Variants in TEAD1 observed in about 807,000 individuals in gnomAD.
The protein encoded by TEAD1 is transcriptional enhancer factor TEF-1.
Under a neutral mutation model 54.9 loss-of-function variants are expected in TEAD1, and 9 were observed. The ratio of observed to expected loss-of-function variants is 0.16; its 90% CI spans 0.10 to 0.29. The LOEUF (loss-of-function observed/expected upper bound fraction) is 0.29. Ranked by LOEUF, TEAD1 falls within the 10% of genes least tolerant of loss-of-function variation. The probability of loss-of-function intolerance (pLI) is 1.00; values close to 1 mark genes in which losing one functional copy is unlikely to be tolerated. For missense variants in TEAD1, 387 were observed against 535.9 expected, an observed-to-expected ratio of 0.72 and a Z score of 2.74; for synonymous variants, 200 against 187.8, an observed-to-expected ratio of 1.07 and a Z score of -0.53.
intron 3 of TEAD1, among the ~76,000 whole-genome samples, chr11:12,795,899 G>A (rs2133968234): frequency 6.6e-6 from 1 of 152,280 alleles, no homozygotes; most frequent in East Asian, 1.9e-4. Flanking sequence ...CATTGAATCA[G>A]ATCTCTGATG....
At chr11:12,830,129 G>A (rs1946742595) in intron 3 of TEAD1, among the ~76,000 whole-genome samples, 1 of 152,174 alleles carries the variant, frequency 6.6e-6, no homozygotes, top group Non-Finnish European at 1.5e-5. Flanking sequence ...GAGGAGCTTA[G>A]CCTTGCTAAG....
At chr11:12,882,920 T>G in intron 8 of TEAD1, 81 bp from the exon 9 acceptor site, 1 of 1,609,532 alleles carries the variant, frequency 6.2e-7, no homozygotes, top group African/African-American at 1.3e-5. Context: ...CTGGGTCATC[T>G]GTAGAGCCCT....
At chr11:12,736,947 T>A (rs181189067) in intron 2 of TEAD1, among the ~76,000 whole-genome samples, 2 of 152,304 alleles carry the variant, frequency 1.3e-5, no homozygotes, top group East Asian at 3.9e-4. Flanking sequence ...TTAGAACATT[T>A]GTATCTATAT....
intron 2 of TEAD1, among the ~76,000 whole-genome samples, chr11:12,730,761 T>C (rs1254467185): frequency 7.1e-6 from 1 of 140,958 alleles, no homozygotes; most frequent in African/African-American, 2.7e-5. Context: ...AGTGCACTAG[T>C]GCAATCATGG....
intron 5 of TEAD1, among the ~76,000 whole-genome samples, chr11:12,866,681 C>T (rs1464925208): frequency 6.6e-6 from 1 of 152,212 alleles, no homozygotes; most frequent in Admixed American, 6.5e-5. Flanking sequence ...AGTAGGATAG[C>T]AACTGGCTCA....
intron 3 of TEAD1, among the ~76,000 whole-genome samples, chr11:12,832,140 A>AT (rs1355125953): frequency 3.3e-5 from 5 of 152,102 alleles, no homozygotes; most frequent in Non-Finnish European, 7.4e-5. Context: ...GTACACACAA[A>AT]ATATATTAGG....
chr11:12,752,847 GTT>G (rs36003316), intron 2 of TEAD1, among the ~76,000 whole-genome samples: 21 of 147,874 alleles, frequency 1.4e-4, no homozygotes, highest in South Asian at 4.3e-4. Flanking sequence ...ATATGCTACA[GTT>G]TTTTTTTTTT....
At chr11:12,777,895 G>A (rs11022499) in intron 3 of TEAD1, among the ~76,000 whole-genome samples, 1 of 152,158 alleles carries the variant, frequency 6.6e-6, no homozygotes, top group South Asian at 2.1e-4. Context: ...TTGAACATAC[G>A]CATTGTGATA....
intron 2 of TEAD1, among the ~76,000 whole-genome samples, chr11:12,703,780 C>G (rs1943754779): frequency 1.3e-5 from 2 of 152,200 alleles, no homozygotes; most frequent in East Asian, 1.9e-4. Context: ...TGAGTGGTGC[C>G]CAGCATGAAT....
At chr11:12,810,442 A>G (rs1946277460) in intron 3 of TEAD1, among the ~76,000 whole-genome samples, 1 of 152,098 alleles carries the variant, frequency 6.6e-6, no homozygotes. Context: ...ACATTCTCCC[A>G]TTTTCTTAAA....
intron 3 of TEAD1, among the ~76,000 whole-genome samples, chr11:12,786,240 C>T (rs1408477500): frequency 3.3e-5 from 5 of 152,198 alleles, no homozygotes; most frequent in Admixed American, 3.3e-4. Context: ...GAGATGAATG[C>T]TCTGCCTGGT....
chr11:12,899,030 C>A (rs1484950397), intron 9 of TEAD1, among the ~76,000 whole-genome samples: 1 of 152,208 alleles, frequency 6.6e-6, no homozygotes, highest in African/African-American at 2.4e-5. Context: ...TCAAGTTTCC[C>A]AGCTTCTCAA....
intron 2 of TEAD1, among the ~76,000 whole-genome samples, chr11:12,698,218 C>CGGGAGGT (rs1590062460): frequency 6.6e-6 from 1 of 152,136 alleles, no homozygotes; most frequent in East Asian, 1.9e-4. Flanking sequence ...AAGCGGGGAC[C>CGGGAGGT]GGGAGGTGAG....
chr11:12,738,458 CAA>C (rs1414332758), intron 2 of TEAD1, among the ~76,000 whole-genome samples: 1 of 152,142 alleles, frequency 6.6e-6, no homozygotes, highest in Admixed American at 6.5e-5. Context: ...CCTTTGATAT[CAA>C]GAGAATTTGA....
At chr11:12,735,200 G>T (rs1428010037) in intron 2 of TEAD1, among the ~76,000 whole-genome samples, 2 of 152,054 alleles carry the variant, frequency 1.3e-5, no homozygotes, top group Non-Finnish European at 2.9e-5. Flanking sequence ...AATACTGAGG[G>T]TTTCCATTCT....
At chr11:12,705,783 T>G (rs1383393075) in intron 2 of TEAD1, among the ~76,000 whole-genome samples, 1 of 152,208 alleles carries the variant, frequency 6.6e-6, no homozygotes, top group Non-Finnish European at 1.5e-5. Context: ...CTTTTATGAG[T>G]TATTTGTAAT....
intron 9 of TEAD1, among the ~76,000 whole-genome samples, chr11:12,901,706 T>G (rs550887326): frequency 6.6e-6 from 1 of 152,320 alleles, no homozygotes; most frequent in South Asian, 2.1e-4. Context: ...CAAAAAAGCC[T>G]TTTTTAGATA....
intron 2 of TEAD1, among the ~76,000 whole-genome samples, chr11:12,744,993 G>A (rs1026930018): frequency 1.3e-5 from 2 of 152,158 alleles, no homozygotes; most frequent in Non-Finnish European, 2.9e-5. Flanking sequence ...AACCTTGTCG[G>A]AAGGTTACCT....
At chr11:12,870,907 A>C (rs894719336) in intron 5 of TEAD1, among the ~76,000 whole-genome samples, 20 of 152,122 alleles carry the variant, frequency 1.3e-4, no homozygotes, top group African/African-American at 4.8e-4. Context: ...AAAAGAAAAA[A>C]TGTCTAGGAC....
Sources: gnomAD v4.1 joint callset for allele counts (sites outside exome capture counted in the v4.1 genomes callset) on GRCh38, gnomAD v4.1.1 for gene constraint, MANE v1.5 for transcripts, NCBI Gene and HGNC (gene_info 2026-07-23, HGNC 2026-07-21) for gene names.